Variants in SH3GL2 observed in about 807,000 individuals in gnomAD.
SH3GL2 encodes the protein SH3 domain containing GRB2 like 2, endophilin A1, also known as endophilin-A1.
In SH3GL2, 24 loss-of-function variants were observed where a neutral mutation model predicts 46.0. That is an observed-to-expected ratio of 0.52 (90% CI 0.38 to 0.73). The LOEUF is 0.73. SH3GL2 is among the 30% of genes least tolerant of loss of function. The pLI is 0.00. For synonymous variants in SH3GL2, 196 were observed against 147.1 expected (o/e 1.33, Z -2.40); for missense variants, 413 against 424.2 (o/e 0.97, Z 0.23).
At chr9:17,640,068 G>A (rs577666751) in intron 1 of SH3GL2, among the ~76,000 whole-genome samples, 90 of 152,108 alleles carry the variant, frequency 5.9e-4, no homozygotes, top group African/African-American at 2.0e-3. Flanking sequence ...GAGTTATAAG[G>A]TTGTGTGCAA....
At chr9:17,768,644 G>A (rs1262586216) in intron 3 of SH3GL2, among the ~76,000 whole-genome samples, 2 of 151,918 alleles carry the variant, frequency 1.3e-5, no homozygotes, top group Non-Finnish European at 2.9e-5. Context: ...GTTCTTTGCT[G>A]TATCAGGAGT....
chr9:17,737,003 C>T (rs1420503556), intron 1 of SH3GL2, among the ~76,000 whole-genome samples: 3 of 152,026 alleles, frequency 2.0e-5, no homozygotes, highest in African/African-American at 4.8e-5. Flanking sequence ...ACATATACAC[C>T]ATGGAATACT....
chr9:17,644,991 A>G (rs1227415379), intron 1 of SH3GL2, among the ~76,000 whole-genome samples: 2 of 152,154 alleles, frequency 1.3e-5, no homozygotes, highest in South Asian at 2.1e-4. Context: ...AAGTTGCTTT[A>G]TTAATCTGGG....
chr9:17,691,906 A>G (rs965622273), intron 1 of SH3GL2, among the ~76,000 whole-genome samples: 1 of 152,144 alleles, frequency 6.6e-6, no homozygotes, highest in Non-Finnish European at 1.5e-5. Flanking sequence ...GAGAGTACAT[A>G]CTGAAAAGTT....
At chr9:17,699,389 G>T (rs566389169) in intron 1 of SH3GL2, among the ~76,000 whole-genome samples, 1 of 152,174 alleles carries the variant, frequency 6.6e-6, no homozygotes, top group South Asian at 2.1e-4. Flanking sequence ...CAACTGAAAT[G>T]TATACTTGCC....
intron 3 of SH3GL2, among the ~76,000 whole-genome samples, chr9:17,784,508 T>C (rs1823901027): frequency 6.6e-6 from 1 of 152,166 alleles, no homozygotes; most frequent in South Asian, 2.1e-4. Flanking sequence ...TTGCACTGTT[T>C]TCATTTTATT....
chr9:17,646,804 C>G (rs1029542201), intron 1 of SH3GL2, among the ~76,000 whole-genome samples: 4 of 152,216 alleles, frequency 2.6e-5, no homozygotes, highest in Non-Finnish European at 5.9e-5. Flanking sequence ...TATGAGATGT[C>G]TGTCGACCCC....
intron 2 of SH3GL2, among the ~76,000 whole-genome samples, chr9:17,747,870 T>A (rs1239923298): frequency 2.0e-5 from 3 of 151,824 alleles, no homozygotes; most frequent in Non-Finnish European, 4.4e-5. Context: ...GATGGGGTTT[T>A]ACCATGCTGG....
chr9:17,591,132 G>A (rs1377147238), intron 1 of SH3GL2: 1 of 152,088 alleles, frequency 6.6e-6, no homozygotes, highest in Non-Finnish European at 1.5e-5. Context: ...AAAGCATTTT[G>A]ATACATTTTC....
At chr9:17,789,742 C>A (rs146740472) in intron 6 of SH3GL2, 192 bp downstream of exon 6, 1 of 1,355,036 alleles carries the variant, frequency 7.4e-7, no homozygotes, top group Non-Finnish European at 9.5e-7. Flanking sequence ...CTTCTGCATT[C>A]CTGTAGTTTA....
chr9:17,773,187 G>GT (rs1473975667), intron 3 of SH3GL2, among the ~76,000 whole-genome samples: 1 of 151,976 alleles, frequency 6.6e-6, no homozygotes, highest in Non-Finnish European at 1.5e-5. Flanking sequence ...AGTTGTTTGG[G>GT]TTTTTTGTTG....
intron 1 of SH3GL2, among the ~76,000 whole-genome samples, chr9:17,672,752 G>C (rs1280300517): frequency 6.6e-6 from 1 of 152,092 alleles, no homozygotes; most frequent in Non-Finnish European, 1.5e-5. Context: ...AGACCTCTCA[G>C]ATATAAATAC....
chr9:17,788,897 C>G (rs1162672681), intron 5 of SH3GL2, among the ~76,000 whole-genome samples: 1 of 144,178 alleles, frequency 6.9e-6, no homozygotes, highest in East Asian at 2.7e-4. Context: ...TTGTGATGAG[C>G]AACTTACGTG....
chr9:17,685,566 T>A (rs1201783219), intron 1 of SH3GL2, among the ~76,000 whole-genome samples: 1 of 152,096 alleles, frequency 6.6e-6, no homozygotes, highest in East Asian at 1.9e-4. Context: ...TCTTCTAGGG[T>A]TTTTATGGTT....
In SH3GL2 at chr9:17,667,817, C is replaced by G. The variant is rs143328496; in HGVS notation, c.46-79249C>G. On this transcript the variant is annotated intron_variant, in intron 1 of 8. Transcript: ENST00000380607. ...TTCTCCACATCTCTACCAATACTTG[C>G]TGTTGTCTGTCCTTTTGACTATAAC... Among the ~76,000 whole-genome samples the G allele has an allele frequency of 2.0e-3, 308 of 152,246 alleles. 1 individual carries two copies. Among genetic ancestry groups the G allele is most frequent in the African/African-American group, 7.1e-3 (295 of 41,544 alleles).
intron 1 of SH3GL2, among the ~76,000 whole-genome samples, chr9:17,709,454 C>G (rs1243010005): frequency 2.6e-5 from 4 of 151,860 alleles, no homozygotes; most frequent in African/African-American, 9.7e-5. Context: ...GAGAGATGCT[C>G]CAGATATTAG....
At chr9:17,601,547 T>G (rs140512170) in intron 1 of SH3GL2, among the ~76,000 whole-genome samples, 14 of 152,342 alleles carry the variant, frequency 9.2e-5, no homozygotes, top group Non-Finnish European at 1.6e-4. Flanking sequence ...TTTTGTCCTT[T>G]GTAAAATATC....
intron 8 of SH3GL2, 77 bp from the exon 9 acceptor site, chr9:17,795,467 A>C (rs559857431): frequency 2.6e-6 from 3 of 1,159,280 alleles, no homozygotes; most frequent in Non-Finnish European, 3.8e-6. Flanking sequence ...AGGTGGGTAC[A>C]GCAGGCAGCA....
intron 1 of SH3GL2, among the ~76,000 whole-genome samples, chr9:17,657,088 T>C (rs1286562554): frequency 6.6e-6 from 1 of 152,180 alleles, no homozygotes; most frequent in East Asian, 1.9e-4. Context: ...GAAGTACTTT[T>C]TAGTCACTCA....
Sources: allele counts gnomAD v4.1 joint callset (sites outside exome capture counted in the v4.1 genomes callset), GRCh38; gene constraint gnomAD v4.1.1; transcripts MANE v1.5; gene names NCBI Gene and HGNC (gene_info 2026-07-23, HGNC 2026-07-21).